The following ERBB4 variants were observed in gnomAD, a reference collection of about 807,000 sequenced individuals.
ERBB4 encodes erb-b2 receptor tyrosine kinase 4, also known as receptor tyrosine-protein kinase erbB-4.
A neutral mutation model predicts 158.0 loss-of-function variants in ERBB4; 42 were observed. The observed-to-expected ratio is 0.27, with a 90% CI of 0.21 to 0.34. The LOEUF is 0.34. Among genes scored for constraint, ERBB4 ranks in the 10% least tolerant of loss-of-function variants. The pLI is 1.00. For synonymous variants in ERBB4, 583 were observed against 558.7 expected (o/e 1.04, Z -0.61); for missense variants, 1,333 against 1,624.1 (o/e 0.82, Z 3.08).
rs980801927 is a variant in ERBB4, at chr2:211,980,737, G to A, written c.235-33121C>T. Among the ~76,000 whole-genome samples, 3 of 152,144 alleles carry A rather than the reference G, an allele frequency of 2.0e-5. No individual in the cohort carries two copies. The East Asian group carries it at 5.8e-4, about 30-fold the overall frequency. ...TACATCTTTATTTTATAGATGCTTTGTTTGAAAATGTTATGCAGATTTTGA... is the reference window on the plus strand; with the variant it reads ...TACATCTTTATTTTATAGATGCTTTATTTGAAAATGTTATGCAGATTTTGA... On this transcript the variant is annotated intron_variant, in intron 2 of 27. Coordinates refer to ENST00000342788, the MANE Select transcript of ERBB4 (RefSeq NM_005235.3).
chr2:211,752,880 G>C (rs1490529631), intron 4 of ERBB4, among the ~76,000 whole-genome samples: 5 of 152,104 alleles, frequency 3.3e-5, no homozygotes, highest in African/African-American at 9.7e-5. Context: ...TTTGTTGGTA[G>C]TTTCCATTTC....
intron 1 of ERBB4, among the ~76,000 whole-genome samples, chr2:212,304,375 G>C (rs1233393443): frequency 6.6e-6 from 1 of 151,478 alleles, no homozygotes; most frequent in African/African-American, 2.4e-5. Context: ...CAATGTCTTA[G>C]AAAATTTATT....
rs745736825 is a variant in ERBB4 at position 212,228,751 on chromosome 2, GGACA to G, written c.83-103852_83-103849del. 5.5e-4 allele frequency among the ~76,000 whole-genome samples: 83 copies of G among 152,288 alleles called. No homozygotes were observed. In the Middle Eastern group the frequency reaches 0.017, roughly 31 times the overall value. The stretch of plus-strand genomic sequence containing the variant: ...TGTGTCCGTATAGCACCAGTTATCT[GGACA>G]GACAAACAAAACGTCACATAATCAA... On this transcript the variant is annotated intron_variant, in intron 1 of 27. Coordinates refer to ENST00000342788, the MANE Select transcript of ERBB4 (RefSeq NM_005235.3).
intron 20 of ERBB4, among the ~76,000 whole-genome samples, chr2:211,527,605 G>T (rs1215448086): frequency 6.6e-6 from 1 of 151,914 alleles, no homozygotes; most frequent in Non-Finnish European, 1.5e-5. Flanking sequence ...TAAGTAGAAG[G>T]ACTAAAAGAT....
Position 211,377,803 on chromosome 2 carries a change from G to A in ERBB4, c.*5812C>T, listed in dbSNP as rs1171399462. On this transcript the variant is annotated 3_prime_UTR_variant, in exon 28 of 28. Transcript: ENST00000342788. ...CTACCAAGTGTATGTGGACATATGT[G>A]AGTTTCAAGATTCATCACAGGGCTA... is the stretch of plus-strand genomic sequence containing the variant. 4.3e-6 allele frequency: 1 copy of A among 232,574 alleles called. No individual in the cohort carries two copies. The highest frequency in any genetic ancestry group is 6.1e-5 in the East Asian group (1 of 16,522). The allele number at this position is 232,574 out of a possible 1,614,324, so 14.4% of individuals were successfully genotyped here. A position where few individuals can be genotyped will look rare whatever the true frequency, so the allele number is the denominator to read the frequency against.
chr2:212,195,213 C>T (rs929339752), intron 1 of ERBB4, among the ~76,000 whole-genome samples: 5 of 151,910 alleles, frequency 3.3e-5, no homozygotes, highest in Non-Finnish European at 5.9e-5. Context: ...GGTGTTATTA[C>T]TCTTTTCTCT....
intron 3 of ERBB4, among the ~76,000 whole-genome samples, chr2:211,927,485 T>C (rs1260988751): frequency 1.3e-5 from 2 of 152,160 alleles, no homozygotes; most frequent in Non-Finnish European, 1.5e-5. Context: ...AGGATGTTTG[T>C]TTTCATTCTA....
chr2:212,316,959 G>C (rs2087313310), intron 1 of ERBB4, among the ~76,000 whole-genome samples: 1 of 151,340 alleles, frequency 6.6e-6, no homozygotes, highest in Non-Finnish European at 1.5e-5. Context: ...GCTATTCTGA[G>C]GTGATTATAT....
chr2:212,439,814 A>AAAAT (rs1164662073), intron 1 of ERBB4, among the ~76,000 whole-genome samples: 1 of 152,158 alleles, frequency 6.6e-6, no homozygotes, highest in African/African-American at 2.4e-5. Context: ...TACGAATAAA[A>AAAAT]AAATATAAGA....
intron 21 of ERBB4, among the ~76,000 whole-genome samples, chr2:211,430,685 A>G (rs2063728546): frequency 6.6e-6 from 1 of 152,108 alleles, no homozygotes; most frequent in African/African-American, 2.4e-5. Context: ...TCACCTGGGT[A>G]CAGACATGCA....
At chr2:212,409,041 T>C (rs2091426902) in intron 1 of ERBB4, among the ~76,000 whole-genome samples, 2 of 152,170 alleles carry the variant, frequency 1.3e-5, no homozygotes, top group Admixed American at 1.3e-4. Context: ...CTTTACTAAA[T>C]CATTTATTCA....
intron 1 of ERBB4, among the ~76,000 whole-genome samples, chr2:212,407,942 T>A (rs2091394373): frequency 6.6e-6 from 1 of 152,086 alleles, no homozygotes; most frequent in Non-Finnish European, 1.5e-5. Context: ...TATAAGGTAA[T>A]CATTACAAGA....
chr2:211,564,646 T>C (rs112447457), intron 19 of ERBB4, among the ~76,000 whole-genome samples: 2,174 of 152,252 alleles, frequency 0.014, 22 homozygotes, highest in African/African-American at 0.028. Flanking sequence ...GTACCTTCCA[T>C]GCTTCCTTTC....
intron 1 of ERBB4, among the ~76,000 whole-genome samples, chr2:212,478,994 A>G (rs1574996127): frequency 6.6e-6 from 1 of 152,296 alleles, no homozygotes; most frequent in Non-Finnish European, 1.5e-5. Context: ...CTTTTGTTGT[A>G]TCATTATTGC....
At chr2:212,235,256 T>C (rs1431023475) in intron 1 of ERBB4, among the ~76,000 whole-genome samples, 1 of 152,218 alleles carries the variant, frequency 6.6e-6, no homozygotes, top group African/African-American at 2.4e-5. Flanking sequence ...TGCTTGCTTT[T>C]ATCAGGTTTG....
At chr2:212,057,766 G>C (rs1410651689) in intron 2 of ERBB4, among the ~76,000 whole-genome samples, 1 of 152,164 alleles carries the variant, frequency 6.6e-6, no homozygotes, top group Non-Finnish European at 1.5e-5. Flanking sequence ...GAATCTCTGG[G>C]ACACATTCAA....
At chr2:211,609,107 GTCC>G (rs1247005724) in intron 19 of ERBB4, among the ~76,000 whole-genome samples, 1 of 152,036 alleles carries the variant, frequency 6.6e-6, no homozygotes, top group Non-Finnish European at 1.5e-5. Context: ...ACTTTCTCCT[GTCC>G]TCCTGTCGCT....
chr2:212,373,776 T>C (rs1348359861), intron 1 of ERBB4, among the ~76,000 whole-genome samples: 3 of 109,430 alleles, frequency 2.7e-5, no homozygotes, highest in East Asian at 2.2e-4. Flanking sequence ...TATATATCCA[T>C]GTATATATCC....
At chr2:212,005,613 T>A (rs555650002) in intron 2 of ERBB4, among the ~76,000 whole-genome samples, 3 of 152,230 alleles carry the variant, frequency 2.0e-5, no homozygotes, top group African/African-American at 7.2e-5. Flanking sequence ...AGCAAATACA[T>A]AAGCTTCAGG....
Sources: gnomAD v4.1 joint callset for allele counts (sites outside exome capture counted in the v4.1 genomes callset) on GRCh38, gnomAD v4.1.1 for gene constraint, MANE v1.5 for transcripts, NCBI Gene and HGNC (gene_info 2026-07-23, HGNC 2026-07-21) for gene names.